Variants in SNTG1 observed in about 807,000 individuals in gnomAD.
The protein encoded by SNTG1 is syntrophin gamma 1, also known as gamma-1-syntrophin.
In SNTG1, 39 loss-of-function variants were observed where a neutral mutation model predicts 74.7. That is an observed-to-expected ratio of 0.52 (90% CI 0.40 to 0.68). SNTG1 has a LOEUF of 0.68. Among genes scored for constraint, SNTG1 ranks in the 30% least tolerant of loss-of-function variants. SNTG1 has a pLI of 0.00. For synonymous variants in SNTG1, 254 were observed against 217.1 expected (o/e 1.17, Z -1.49); for missense variants, 685 against 609.5 (o/e 1.12, Z -1.30).
At chr8:50,372,373 A>C (rs757721385) in intron 2 of SNTG1, among the ~76,000 whole-genome samples, 55 of 151,842 alleles carry the variant, frequency 3.6e-4, no homozygotes, top group Non-Finnish European at 7.6e-4. Flanking sequence ...AATTACTTAC[A>C]AAACCTACTC....
intron 11 of SNTG1, among the ~76,000 whole-genome samples, chr8:50,551,498 T>C (rs142105831): frequency 7.1e-4 from 108 of 152,282 alleles, no homozygotes; most frequent in African/African-American, 2.4e-3. Context: ...TTATGGTACA[T>C]GAAGCAATGG....
chr8:50,659,807 T>G (rs1014675672), intron 15 of SNTG1, among the ~76,000 whole-genome samples: 1 of 152,144 alleles, frequency 6.6e-6, no homozygotes, highest in Non-Finnish European at 1.5e-5. Context: ...ACGACTCCAG[T>G]TTTCTGAAAT....
intron 1 of SNTG1, among the ~76,000 whole-genome samples, chr8:49,962,783 G>T (rs1385072629): frequency 6.6e-6 from 1 of 152,132 alleles, no homozygotes; most frequent in Non-Finnish European, 1.5e-5. Flanking sequence ...AGTAGAAATG[G>T]AATTTCACCA....
At chr8:50,256,641 T>C (rs2086895969) in intron 2 of SNTG1, among the ~76,000 whole-genome samples, 1 of 152,002 alleles carries the variant, frequency 6.6e-6, no homozygotes, top group Non-Finnish European at 1.5e-5. Context: ...TAATAAATAT[T>C]TTGTAAGAAA....
In SNTG1 at chr8:50,506,248, G is replaced by A. The variant is rs192442783; in HGVS notation, c.466+3368G>A. Among the ~76,000 whole-genome samples, 312 of 152,058 alleles carry A rather than the reference G, an allele frequency of 2.1e-3. 2 individuals are homozygous for A. Among genetic ancestry groups the A allele is most frequent in the African/African-American group, 7.0e-3 (291 of 41,502 alleles). The stretch of plus-strand genomic sequence containing the variant: ...GTACCACATTGTTTTTATTATTGCA[G>A]CTTTGTAATGTATCTTGAGTTCAGA... On this transcript the variant is annotated intron_variant, in intron 9 of 18. Transcript: ENST00000642720.
chr8:50,597,127 A>G (rs1367243326), intron 13 of SNTG1, among the ~76,000 whole-genome samples: 3 of 151,706 alleles, frequency 2.0e-5, no homozygotes, highest in Non-Finnish European at 4.4e-5. Context: ...GTATGAGATC[A>G]ACTTTTTTTT....
At chr8:49,972,475 A>G (rs1811784627) in intron 1 of SNTG1, among the ~76,000 whole-genome samples, 1 of 152,226 alleles carries the variant, frequency 6.6e-6, no homozygotes, top group Non-Finnish European at 1.5e-5. Context: ...TCATGTCTAA[A>G]ACATCAAAAG....
chr8:50,726,154 C>T (rs1585647041), intron 17 of SNTG1, among the ~76,000 whole-genome samples: 2 of 152,178 alleles, frequency 1.3e-5, no homozygotes, highest in South Asian at 4.2e-4. Context: ...TGTTATTAAC[C>T]AGGAACTCCT....
chr8:50,104,282 A>C (rs1470228458), intron 1 of SNTG1, among the ~76,000 whole-genome samples: 1 of 152,148 alleles, frequency 6.6e-6, no homozygotes, highest in Non-Finnish European at 1.5e-5. Flanking sequence ...TTCCTGGTTT[A>C]GTCTTGGGAG....
intron 2 of SNTG1, among the ~76,000 whole-genome samples, chr8:50,298,481 C>A (rs1185447527): frequency 2.0e-5 from 3 of 152,102 alleles, no homozygotes; most frequent in Admixed American, 1.3e-4. Context: ...ATGCAATGTA[C>A]AGCTAGTTAT....
chr8:50,739,758 G>A (rs905039518), intron 17 of SNTG1, among the ~76,000 whole-genome samples: 3 of 151,932 alleles, frequency 2.0e-5, no homozygotes, highest in Middle Eastern at 3.2e-3. Flanking sequence ...AAACAGCATG[G>A]CACTAGTTCA....
At chr8:50,466,573 T>C (rs2093610470) in intron 8 of SNTG1, among the ~76,000 whole-genome samples, 1 of 152,026 alleles carries the variant, frequency 6.6e-6, no homozygotes, top group South Asian at 2.1e-4. Context: ...ATCTACAAAA[T>C]AGCTTTTTGG....
At chr8:50,479,815 C>T (rs1046615907) in intron 8 of SNTG1, among the ~76,000 whole-genome samples, 1 of 152,092 alleles carries the variant, frequency 6.6e-6, no homozygotes, top group Non-Finnish European at 1.5e-5. Context: ...TGTTAAATTA[C>T]CATTTGAAAA....
intron 1 of SNTG1, among the ~76,000 whole-genome samples, chr8:49,937,090 A>T (rs925109751): frequency 2.6e-5 from 4 of 152,208 alleles, no homozygotes; most frequent in African/African-American, 9.6e-5. Context: ...CGGAGGTTGC[A>T]GTGAGCCAAG....
At chr8:50,038,109 C>G (rs1338847618) in intron 1 of SNTG1, among the ~76,000 whole-genome samples, 1 of 152,198 alleles carries the variant, frequency 6.6e-6, no homozygotes, top group East Asian at 1.9e-4. Flanking sequence ...ATGGCTCCAT[C>G]ATTTTGTCCT....
At chr8:50,332,477 A>G (rs1008555857) in intron 2 of SNTG1, among the ~76,000 whole-genome samples, 1 of 152,030 alleles carries the variant, frequency 6.6e-6, no homozygotes, top group African/African-American at 2.4e-5. Flanking sequence ...TATAATTAAT[A>G]CTAAAATAAA....
At chr8:50,732,377 T>A (rs888871006) in intron 17 of SNTG1, among the ~76,000 whole-genome samples, 4 of 151,718 alleles carry the variant, frequency 2.6e-5, no homozygotes, top group Non-Finnish European at 5.9e-5. Flanking sequence ...TGGCAGACAT[T>A]TTTTCTCTAT....
intron 9 of SNTG1, among the ~76,000 whole-genome samples, chr8:50,511,862 T>C (rs1383312900): frequency 1.3e-5 from 2 of 152,204 alleles, no homozygotes; most frequent in East Asian, 3.9e-4. Flanking sequence ...GTCTTGACTC[T>C]TTATCCAATT....
intron 17 of SNTG1, among the ~76,000 whole-genome samples, chr8:50,743,112 A>T (rs1349526832): frequency 6.6e-6 from 1 of 151,914 alleles, no homozygotes; most frequent in African/African-American, 2.4e-5. Flanking sequence ...CCAAAAAAAA[A>T]AAAAATTGAA....
Sources: gnomAD v4.1 joint callset for allele counts (sites outside exome capture counted in the v4.1 genomes callset) on GRCh38, gnomAD v4.1.1 for gene constraint, MANE v1.5 for transcripts, NCBI Gene and HGNC (gene_info 2026-07-23, HGNC 2026-07-21) for gene names.